Variants in SLMAP observed in about 807,000 individuals in gnomAD.
The protein encoded by SLMAP is sarcolemma associated protein.
SLMAP carries 44 observed loss-of-function variants against 128.8 expected under a neutral mutation model. The ratio of observed to expected loss-of-function variants is 0.34; its 90% CI spans 0.27 to 0.44. The LOEUF (loss-of-function observed/expected upper bound fraction) is 0.44, where lower values mean the gene tolerates loss of function less well. Ranked by LOEUF, SLMAP falls within the 20% of genes least tolerant of loss-of-function variation. The pLI is 1.00. For missense variants in SLMAP, 787 were observed against 985.3 expected (o/e 0.80, Z 2.69); for synonymous variants, 327 against 348.8 (o/e 0.94, Z 0.70).
At chr3:57,779,527 A>T (rs767877458) in intron 2 of SLMAP, among the ~76,000 whole-genome samples, 158 of 149,966 alleles carry the variant, frequency 1.1e-3, no homozygotes, top group Admixed American at 2.8e-3. Context: ...AAAAAAAAAC[A>T]AAAATAAAAT....
intron 13 of SLMAP, among the ~76,000 whole-genome samples, chr3:57,870,507 A>C (rs1425915330): frequency 6.6e-6 from 1 of 152,160 alleles, no homozygotes; most frequent in Non-Finnish European, 1.5e-5. Flanking sequence ...TCTTATACTG[A>C]TGGTGATGAT....
chr3:57,785,247 T>G (rs80024272), intron 2 of SLMAP, among the ~76,000 whole-genome samples: 1,632 of 152,324 alleles, frequency 0.011, 33 homozygotes, highest in African/African-American at 0.037. Flanking sequence ...GTCATAATGA[T>G]GCCATAGTTG....
chr3:57,813,597 G>C (rs890266169), intron 2 of SLMAP, among the ~76,000 whole-genome samples: 3 of 152,032 alleles, frequency 2.0e-5, no homozygotes, highest in Non-Finnish European at 4.4e-5. Context: ...TTTTATTTTT[G>C]TCATTTTCTA....
chr3:57,792,479 T>C (rs186382639), intron 2 of SLMAP, among the ~76,000 whole-genome samples: 84 of 152,062 alleles, frequency 5.5e-4, no homozygotes, highest in Middle Eastern at 3.4e-3. Context: ...TAATTAGTAT[T>C]GAATAGGTTT....
intron 2 of SLMAP, among the ~76,000 whole-genome samples, chr3:57,823,672 G>A (rs1195840853): frequency 1.3e-5 from 2 of 151,672 alleles, no homozygotes; most frequent in African/African-American, 4.9e-5. Context: ...TAGTGCCGCA[G>A]TAAACATACG....
At chr3:57,890,185 A>G in intron 15 of SLMAP, 85 bp downstream of exon 15, 2 of 1,358,158 alleles carry the variant, frequency 1.5e-6, no homozygotes, top group Non-Finnish European at 2.1e-6. Flanking sequence ...TAGTATTTTA[A>G]CCATCAGTTT....
At chr3:57,770,699 G>A (rs960502586) in intron 2 of SLMAP, among the ~76,000 whole-genome samples, 10 of 152,122 alleles carry the variant, frequency 6.6e-5, no homozygotes, top group South Asian at 4.1e-4. Flanking sequence ...GCTAATAATC[G>A]TATTTACTTC....
At chr3:57,880,113 T>G (rs1015306960) in intron 14 of SLMAP, among the ~76,000 whole-genome samples, 1 of 152,192 alleles carries the variant, frequency 6.6e-6, no homozygotes, top group Non-Finnish European at 1.5e-5. Context: ...AGATATTTGC[T>G]TTATGAAAAT....
chr3:57,889,008 C>T (rs2095988235), intron 14 of SLMAP, among the ~76,000 whole-genome samples: 1 of 152,026 alleles, frequency 6.6e-6, no homozygotes, highest in Non-Finnish European at 1.5e-5. Flanking sequence ...CCTCAGCCTC[C>T]CGAGTAGCTG....
chr3:57,914,937 G>C (rs1375810349), intron 21 of SLMAP, among the ~76,000 whole-genome samples: 13 of 149,590 alleles, frequency 8.7e-5, no homozygotes, highest in Admixed American at 8.1e-4. Flanking sequence ...CCAGGCTGGA[G>C]TGCAGTGGCA....
intron 2 of SLMAP, among the ~76,000 whole-genome samples, chr3:57,829,302 A>T (rs2093168880): frequency 6.6e-6 from 1 of 151,926 alleles, no homozygotes; most frequent in African/African-American, 2.4e-5. Context: ...AAAAAATGCT[A>T]GTTGCAACTC....
chr3:57,897,083 T>C lies in SLMAP; in HGVS notation c.1501+151T>C, dbSNP rs1055076339. The stretch of plus-strand genomic sequence containing the variant: ...GTAGCAGGGACTAAAAATTTAAAGT[T>C]TTGGTGTTTATACCCAATATTTCAA... On this transcript the variant is annotated intron_variant, in intron 17 of 24. Transcript: ENST00000671191. 2.8e-6 allele frequency: 4 copies of C among 1,408,684 alleles called. No individual in the cohort carries two copies. In the African/African-American group the frequency reaches 5.9e-5, roughly 21 times the overall value. The allele number at this position is 1,408,684 out of a possible 1,614,324, so 87.3% of individuals were successfully genotyped here. A position where few individuals can be genotyped will look rare whatever the true frequency, so the allele number is the denominator to read the frequency against.
intron 2 of SLMAP, among the ~76,000 whole-genome samples, chr3:57,758,131 T>C (rs2077925524): frequency 6.6e-6 from 1 of 152,212 alleles, no homozygotes; most frequent in Non-Finnish European, 1.5e-5. Flanking sequence ...ATAGTGAAAC[T>C]TGGCGTCTTG....
At chr3:57,864,480 C>A in intron 10 of SLMAP, 68 bp from the exon 11 acceptor site, 1 of 1,010,146 alleles carries the variant, frequency 9.9e-7, no homozygotes, top group Non-Finnish European at 1.5e-6. Context: ...TGAATAAAGG[C>A]ATTCCTGGGG....
chr3:57,790,976 G>A (rs2085327814), intron 2 of SLMAP, among the ~76,000 whole-genome samples: 2 of 152,146 alleles, frequency 1.3e-5, no homozygotes, highest in Non-Finnish European at 2.9e-5. Flanking sequence ...GTTCTAGGAT[G>A]GAAAAACTTA....
At chr3:57,819,128 A>G (rs1161585742) in intron 2 of SLMAP, among the ~76,000 whole-genome samples, 1 of 152,188 alleles carries the variant, frequency 6.6e-6, no homozygotes, top group Non-Finnish European at 1.5e-5. Context: ...TGGTCCCCAG[A>G]AAGTTTGTTT....
At chr3:57,779,720 G>A (rs1337404081) in intron 2 of SLMAP, among the ~76,000 whole-genome samples, 1 of 151,992 alleles carries the variant, frequency 6.6e-6, no homozygotes, top group Admixed American at 6.6e-5. Context: ...TCATAATCAA[G>A]TACTTCTGTG....
chr3:57,890,245 T>C, intron 15 of SLMAP, 145 bp downstream of exon 15: 1 of 612,880 alleles, frequency 1.6e-6, no homozygotes, highest in Non-Finnish European at 2.8e-6. Context: ...TCAGATAATA[T>C]ATAAAATAAT....
intron 2 of SLMAP, among the ~76,000 whole-genome samples, chr3:57,784,042 C>T (rs1223670620): frequency 6.6e-6 from 1 of 152,128 alleles, no homozygotes; most frequent in Non-Finnish European, 1.5e-5. Flanking sequence ...ACCATGGGGC[C>T]ATGGCAGCCT....
Sources: allele counts gnomAD v4.1 joint callset (sites outside exome capture counted in the v4.1 genomes callset), GRCh38; gene constraint gnomAD v4.1.1; transcripts MANE v1.5; gene names NCBI Gene and HGNC (gene_info 2026-07-23, HGNC 2026-07-21).